Variants in TRIO observed in about 807,000 individuals in gnomAD.
TRIO encodes the protein trio Rho guanine nucleotide exchange factor.
In TRIO, 58 loss-of-function variants were observed where a neutral mutation model predicts 351.9. The ratio of observed to expected loss-of-function variants is 0.16; its 90% CI spans 0.13 to 0.21. TRIO has a LOEUF of 0.21. TRIO is among the 10% of genes least tolerant of loss of function. TRIO has a pLI of 1.00. For missense variants in TRIO, 3,201 were observed against 4,027.8 expected (o/e 0.79, Z 5.56); for synonymous variants, 1,758 against 1,595.7 (o/e 1.10, Z -2.42).
At chr5:14,409,834 CAAA>C (rs762403574) in intron 33 of TRIO, among the ~76,000 whole-genome samples, 8 of 82,106 alleles carry the variant, frequency 9.7e-5, no homozygotes, top group Admixed American at 1.4e-4. Context: ...GACTCCATCT[CAAA>C]AAAAAAAAAA....
At chr5:14,297,567 A>G (rs530195903) in intron 7 of TRIO, 47 of 226,984 alleles carry the variant, frequency 2.1e-4, no homozygotes, top group African/African-American at 1.0e-3. Context: ...CGGCACAGTA[A>G]GCACTAAGAA....
intron 1 of TRIO, among the ~76,000 whole-genome samples, chr5:14,261,834 G>A (rs1473834278): frequency 6.6e-6 from 1 of 152,156 alleles, no homozygotes; most frequent in Admixed American, 6.5e-5. Flanking sequence ...AAAACTTAAG[G>A]TAAAAACCCT....
At chr5:14,146,621 C>T (rs575018508) in intron 1 of TRIO, among the ~76,000 whole-genome samples, 1 of 152,214 alleles carries the variant, frequency 6.6e-6, no homozygotes, top group Non-Finnish European at 1.5e-5. Context: ...TTCTCCATTA[C>T]TGGAAGTGCT....
intron 40 of TRIO, among the ~76,000 whole-genome samples, chr5:14,474,371 C>T (rs1754896370): frequency 6.6e-6 from 1 of 152,192 alleles, no homozygotes; most frequent in South Asian, 2.1e-4. Context: ...GCTGCCGGAG[C>T]TGCTGGCCTG....
At chr5:14,491,717 C>T (rs1363761635) in intron 48 of TRIO, among the ~76,000 whole-genome samples, 2 of 152,184 alleles carry the variant, frequency 1.3e-5, no homozygotes, top group African/African-American at 4.8e-5. Flanking sequence ...TGAGTTCCTG[C>T]TGCATGTCAG....
chr5:14,447,619 G>C (rs1216782110), intron 34 of TRIO, among the ~76,000 whole-genome samples: 5 of 152,128 alleles, frequency 3.3e-5, no homozygotes, highest in Non-Finnish European at 7.3e-5. Context: ...AAAAATCTGC[G>C]TATAGCCCCC....
intron 1 of TRIO, among the ~76,000 whole-genome samples, chr5:14,217,908 C>T (rs1393969591): frequency 2.7e-4 from 41 of 152,056 alleles, no homozygotes; most frequent in Admixed American, 2.6e-3. Flanking sequence ...ACTAATCAGT[C>T]CAAAGTTTGA....
intron 1 of TRIO, among the ~76,000 whole-genome samples, chr5:14,222,825 A>G (rs904062578): frequency 6.6e-6 from 1 of 152,228 alleles, no homozygotes; most frequent in African/African-American, 2.4e-5. Context: ...GGTGACTTCT[A>G]ACATCGCAGA....
At chr5:14,334,546 T>G (rs1301721910) in intron 10 of TRIO, among the ~76,000 whole-genome samples, 1 of 152,220 alleles carries the variant, frequency 6.6e-6, no homozygotes, top group Non-Finnish European at 1.5e-5. Flanking sequence ...TTAGATCCAC[T>G]TACCAAATAT....
At chr5:14,203,449 G>A (rs986173595) in intron 1 of TRIO, among the ~76,000 whole-genome samples, 3 of 152,178 alleles carry the variant, frequency 2.0e-5, no homozygotes. Flanking sequence ...AAGTAGGAAG[G>A]TAATTTTCTT....
chr5:14,366,921 C>G lies in TRIO; in HGVS notation c.2816C>G (p.Ser939Trp). The G allele has an allele frequency of 6.2e-7, 1 of 1,614,178 alleles. No individual in the cohort carries two copies. Among genetic ancestry groups the G allele is most frequent in the Non-Finnish European group, 8.5e-7 (1 of 1,180,034 alleles). The change falls in exon 16 of 57, where the codon TCG (serine) becomes TGG (tryptophan). Residue 939 changes from serine (S) to tryptophan (W), a missense_variant. Physicochemically the swap from Ser to Trp is radical, Grantham distance 177 (BLOSUM62 -3). Coordinates refer to ENST00000344204, the MANE Select transcript of TRIO (RefSeq NM_007118.4). ...MLNAGLITASSLQEAEQLQRE... is the reference protein window; with the variant it reads ...MLNAGLITASWLQEAEQLQRE... ...AATGCCGGACTTATCACAGCCAGCT[C>G]GTTACAAGAGGCAGAGCAGCTCCAG...
At chr5:14,403,031 G>GGGTT (rs1748229373) in intron 31 of TRIO, among the ~76,000 whole-genome samples, 1 of 151,142 alleles carries the variant, frequency 6.6e-6, no homozygotes, top group African/African-American at 2.4e-5. Context: ...AGGTTGTGGT[G>GGGTT]GTGAAGGTGC....
chr5:14,226,910 T>TCCTCCTCCCTGGTTTTTGCAGCTCC, intron 1 of TRIO, among the ~76,000 whole-genome samples: 1 of 152,134 alleles, frequency 6.6e-6, no homozygotes, highest in South Asian at 2.1e-4. Context: ...TCTGCAGCTC[T>TCCTCCTCCCTGGTTTTTGCAGCTCC]CCTCCCTGGC....
intron 8 of TRIO, among the ~76,000 whole-genome samples, chr5:14,309,796 C>CTT (rs1738751283): frequency 6.6e-6 from 1 of 152,180 alleles, no homozygotes; most frequent in Non-Finnish European, 1.5e-5. Flanking sequence ...GCAGGGCTTG[C>CTT]TTTGCTTTTT....
chr5:14,164,978 G>A (rs1561153318), intron 1 of TRIO, among the ~76,000 whole-genome samples: 1 of 152,182 alleles, frequency 6.6e-6, no homozygotes, highest in Non-Finnish European at 1.5e-5. Flanking sequence ...CTTGCCAGGT[G>A]GTCCTTGGGT....
intron 11 of TRIO, among the ~76,000 whole-genome samples, chr5:14,350,242 C>T (rs191574647): frequency 8.5e-5 from 13 of 152,246 alleles, no homozygotes; most frequent in Admixed American, 3.9e-4. Flanking sequence ...AGACTTGCCA[C>T]GGCAAAGAGG....
At position 14,389,297 on chromosome 5, in the gene TRIO, G is replaced by A; in HGVS notation, c.3957G>A (p.Leu1319=). ...RDLRECMDTY[L]WEMTSGVEEI... ...GTTTCCCTCTCGGCTAGACGTACCT[G>A]TGGGAAATGACCAGTGGCGTGGAAG... is the stretch of plus-strand genomic sequence containing the variant. Residue 1319 remains leucine (L), a synonymous_variant, in exon 25 of 57, where the codon CTG becomes CTA. Coordinates refer to ENST00000344204, the MANE Select transcript of TRIO (RefSeq NM_007118.4). The A allele has an allele frequency of 1.2e-6, 2 of 1,609,064 alleles. No homozygotes were observed. Among genetic ancestry groups the A allele is most frequent in the South Asian group, 1.1e-5 (1 of 89,806 alleles).
Position 14,276,074 on chromosome 5 carries a change from CT to C in TRIO, c.233-4243del, listed in dbSNP as rs1735497379. Among the ~76,000 whole-genome samples the C allele has an allele frequency of 2.0e-5, 3 of 148,072 alleles. No homozygotes were observed. In the South Asian group the frequency reaches 6.4e-4, roughly 32 times the overall value. On this transcript the variant is annotated intron_variant, in intron 2 of 56. Coordinates refer to ENST00000344204, the MANE Select transcript of TRIO (RefSeq NM_007118.4). ...GTTTTTTTTTTTTCTTTTAGAATAG[CT>C]TTTTGGGGTGCAGTGAACATTCACT... is the stretch of plus-strand genomic sequence containing the variant.
At chr5:14,247,552 T>C (rs1166524563) in intron 1 of TRIO, among the ~76,000 whole-genome samples, 1 of 152,248 alleles carries the variant, frequency 6.6e-6, no homozygotes, top group Non-Finnish European at 1.5e-5. Flanking sequence ...TGGGAAACTT[T>C]ACTGAATTTT....
Sources: gnomAD v4.1 joint callset for allele counts (sites outside exome capture counted in the v4.1 genomes callset) on GRCh38, gnomAD v4.1.1 for gene constraint, MANE v1.5 for transcripts, NCBI Gene and HGNC (gene_info 2026-07-23, HGNC 2026-07-21) for gene names.